The following RDM1 variants were observed in gnomAD, a reference collection of about 807,000 sequenced individuals.
The protein encoded by RDM1 is RAD52 motif-containing protein 1.
In RDM1, 28 loss-of-function variants were observed where a neutral mutation model predicts 27.7. The ratio of observed to expected loss-of-function variants is 1.01; its 90% CI spans 0.75 to 1.39. The LOEUF is 1.39. Ranked by LOEUF, RDM1 falls within the 40% of genes most tolerant of loss-of-function variation. The pLI, the probability that RDM1 is intolerant of heterozygous loss-of-function variation, is 0.00. For missense variants in RDM1, 277 were observed against 337.3 expected, an observed-to-expected ratio of 0.82 and a Z score of 1.40; for synonymous variants, 124 against 127.5, an observed-to-expected ratio of 0.97 and a Z score of 0.19.
At position 35,922,626 on chromosome 17, in the gene RDM1, A is replaced by G. The variant is rs143209063; in HGVS notation, c.618T>C (p.Ile206=). 10 of 1,611,622 alleles carry G rather than the reference A, an allele frequency of 6.2e-6. No homozygotes were observed. Among genetic ancestry groups the G allele is most frequent in the Middle Eastern group, 4.5e-4 (2 of 4,442 alleles). ...GGAATGCATCTGACAAAGCCTTCTG[A>G]ATAGCAAGCTTCTGGGCTGTCTTCC... The part of the protein sequence containing the change: ...MKRKTAQKLA[I]QKALSDAFQK... The change falls in exon 5 of 7, where the codon ATT becomes ATC. Residue 206 remains isoleucine, a synonymous_variant. Coordinates refer to ENST00000620284, the MANE Select transcript of RDM1 (RefSeq NM_145654.4).
At chr17:35,929,431 A>T (rs1290441565) in intron 2 of RDM1, among the ~76,000 whole-genome samples, 1 of 151,606 alleles carries the variant, frequency 6.6e-6, no homozygotes, top group African/African-American at 2.4e-5. Flanking sequence ...CTGATATTTA[A>T]TTTTTTATTT....
In RDM1 at chr17:35,925,592, C is replaced by T; in HGVS notation, c.322G>A (p.Ala108Thr). The T allele has an allele frequency of 6.2e-7, 1 of 1,614,080 alleles. No homozygotes were observed. The change falls in exon 3 of 7, where the codon GCC becomes ACC. Residue 108 changes from alanine to threonine, a missense_variant. By Grantham distance (58) the Ala-to-Thr change is moderately conservative. Transcript: ENST00000620284. ...TCTTGGCATTTGGAACTGTTCAGGG[C>T]AAGGGCTTGATGTTGAACTGCCTTA... ...RHKAVQHQAL[A>T]LNSSKCQELA...
chr17:35,927,089 G>A (rs1227297209), intron 2 of RDM1, among the ~76,000 whole-genome samples: 1 of 127,290 alleles, frequency 7.9e-6, no homozygotes, highest in Non-Finnish European at 1.6e-5. Context: ...GGATAACTTT[G>A]CAGCAACCAT....
intron 6 of RDM1, 107 bp from the exon 7 acceptor site, chr17:35,918,550 T>C: frequency 1.1e-6 from 1 of 894,074 alleles, no homozygotes; most frequent in Admixed American, 2.0e-5. Context: ...TGTTGCATGT[T>C]TGATAATTCA....
chr17:35,924,797 C>G, intron 3 of RDM1, 25 bp from the exon 4 acceptor site: 1 of 1,609,960 alleles, frequency 6.2e-7, no homozygotes, highest in Non-Finnish European at 8.5e-7. Flanking sequence ...AATGTAAGGT[C>G]CTTCCTGGGG....
intron 2 of RDM1, among the ~76,000 whole-genome samples, chr17:35,928,050 T>C (rs2141951321): frequency 6.6e-6 from 1 of 152,300 alleles, no homozygotes; most frequent in South Asian, 2.1e-4. Context: ...GTGGGAGTAG[T>C]ATACCTGGAG....
rs1437886210 is a variant in RDM1, at chr17:35,924,633, ACCAAG to A, written c.534_538del (p.Leu179GlyfsTer6). ...CTCCACCTTATCCATAGGCTCCTCC[ACCAAG>A]CCAATGCCAGGACTCCTGCAATCAC... is the stretch of plus-strand genomic sequence containing the variant. On this transcript the variant is annotated frameshift_variant, in exon 4 of 7. Transcript: ENST00000620284. LOFTEE classifies it high-confidence loss of function. 1.2e-6 allele frequency: 2 copies of A among 1,613,896 alleles called. No homozygotes were observed. The highest frequency in any genetic ancestry group is 1.7e-6 in the Non-Finnish European group (2 of 1,179,944).
intron 4 of RDM1, 93 bp downstream of exon 4, chr17:35,924,511 T>G (rs558909835): frequency 3.2e-4 from 435 of 1,350,434 alleles, no homozygotes; most frequent in Non-Finnish European, 4.2e-4. Context: ...GCTTGATATG[T>G]ATCTGAAAAG....
rs2089115266 is a variant in RDM1, at chr17:35,925,559, T to C, written c.355A>G (p.Asn119Asp). 2 of 1,613,948 alleles carry C rather than the reference T, an allele frequency of 1.2e-6. No individual in the cohort carries two copies. The highest frequency in any genetic ancestry group is 1.7e-5 in the Admixed American group (1 of 60,004). Reference protein sequence around the residue: ...LNSSKCQELANYYFGFNGCSK... With the variant: ...LNSSKCQELADYYFGFNGCSK... ...CACCCATTGAAACCAAAGTAGTAAT[T>C]CGCCAGTTCTTGGCATTTGGAACTG... is the stretch of plus-strand genomic sequence containing the variant. Residue 119 changes from asparagine (N) to aspartate (D), a missense_variant, in exon 3 of 7, where the codon AAT becomes GAT. Transcript: ENST00000620284.
chr17:35,930,023 T>C, intron 2 of RDM1, 53 bp downstream of exon 2: 1 of 1,487,628 alleles, frequency 6.7e-7, no homozygotes, highest in Admixed American at 1.8e-5. Context: ...TAACCTATTA[T>C]TGAATTCAGC....
rs1256140419 is a variant in RDM1 at position 35,918,121 on chromosome 17, T to A, written c.*221A>T. ...TTATTAAGTTCCGTTCGAGATCCGC[T>A]CCTCGTCACCAGGGCGATCTTATCC... On this transcript the variant is annotated 3_prime_UTR_variant, in exon 7 of 7. Coordinates refer to ENST00000620284, the MANE Select transcript of RDM1 (RefSeq NM_145654.4). 3 of 588,954 alleles carry A rather than the reference T, an allele frequency of 5.1e-6. No homozygotes were observed. Among genetic ancestry groups the A allele is most frequent in the Non-Finnish European group, 9.1e-6 (3 of 329,578 alleles). The allele number at this position is 588,954 out of a possible 1,614,324, so 36.5% of individuals were successfully genotyped here. A position where few individuals can be genotyped will look rare whatever the true frequency, so the allele number is the denominator to read the frequency against.
chr17:35,924,467 C>T (rs1374071364), intron 4 of RDM1, 137 bp downstream of exon 4: 1 of 853,028 alleles, frequency 1.2e-6, no homozygotes, highest in Non-Finnish European at 1.8e-6. Context: ...CAGAAAAACT[C>T]TGCCCAGGAC....
intron 3 of RDM1, 71 bp downstream of exon 3, chr17:35,925,444 T>G: frequency 6.4e-7 from 1 of 1,560,606 alleles, no homozygotes; most frequent in Non-Finnish European, 8.7e-7. Context: ...GTTCAATACT[T>G]CTGTCTAAAA....
chr17:35,925,264 T>G (rs532330318), intron 3 of RDM1, among the ~76,000 whole-genome samples: 1 of 152,332 alleles, frequency 6.6e-6, no homozygotes, highest in African/African-American at 2.4e-5. Context: ...GCAAATGAAT[T>G]GCTAGATAGA....
At chr17:35,920,447 TCTTTCTTTC>T (rs1349210421) in intron 5 of RDM1, among the ~76,000 whole-genome samples, 175 bp from the exon 6 acceptor site, 3 of 145,238 alleles carry the variant, frequency 2.1e-5, no homozygotes, top group African/African-American at 8.1e-5. Context: ...TTTCTTTCTT[TCTTTCTTTC>T]TTTTTTTTTT....
At position 35,929,870 on chromosome 17, in the gene RDM1, C is replaced by T. The variant is rs140835522; in HGVS notation, c.276+206G>A. 7.6e-3 allele frequency among the ~76,000 whole-genome samples: 1,152 copies of T among 152,290 alleles called. 4 individuals carry two copies. Among genetic ancestry groups the T allele is most frequent in the Non-Finnish European group, 0.012 (820 of 68,030 alleles). ...TAGGTTTTAGTTCAATCTCGAGTTT[C>T]CATAATTCTTGTCAGGAACCTTAAA... is the stretch of plus-strand genomic sequence containing the variant. On this transcript the variant is annotated intron_variant, in intron 2 of 6. Coordinates refer to ENST00000620284, the MANE Select transcript of RDM1 (RefSeq NM_145654.4).
Position 35,928,331 on chromosome 17 carries a change from C to T in RDM1, c.276+1745G>A, listed in dbSNP as rs142279856. Among the ~76,000 whole-genome samples, 20 of 152,266 alleles carry T rather than the reference C, an allele frequency of 1.3e-4. No homozygotes were observed. In the East Asian group the frequency reaches 3.3e-3, roughly 25 times the overall value. On this transcript the variant is annotated intron_variant, in intron 2 of 6. Transcript: ENST00000620284. Reference sequence around the variant, plus strand: ...AAAGAATGTTCCCATCCTCTCAGAACTGAAGGGAGTTTCAAACAGGCAGTT... The same window carrying T: ...AAAGAATGTTCCCATCCTCTCAGAATTGAAGGGAGTTTCAAACAGGCAGTT...
intron 2 of RDM1, among the ~76,000 whole-genome samples, chr17:35,929,710 G>A (rs767810399): frequency 2.0e-5 from 3 of 152,164 alleles, no homozygotes; most frequent in Non-Finnish European, 4.4e-5. Context: ...CCAAAGTGCT[G>A]GGATTACAGG....
intron 3 of RDM1, among the ~76,000 whole-genome samples, chr17:35,925,288 T>C (rs780395790): frequency 2.6e-5 from 4 of 152,256 alleles, no homozygotes; most frequent in Non-Finnish European, 5.9e-5. Flanking sequence ...AACCATTTTT[T>C]ATTATATGCC....
Sources: allele counts gnomAD v4.1 joint callset (sites outside exome capture counted in the v4.1 genomes callset), GRCh38; gene constraint gnomAD v4.1.1; transcripts MANE v1.5; gene names NCBI Gene and HGNC (gene_info 2026-07-23, HGNC 2026-07-21).